MYCBP2: variants seen among roughly 807,000 people sequenced by gnomAD.
MYCBP2 encodes E3 ubiquitin-protein ligase MYCBP2.
MYCBP2 carries 120 observed loss-of-function variants against 525.3 expected under a neutral mutation model. The observed-to-expected ratio is 0.23, with a 90% CI of 0.20 to 0.27. MYCBP2 has a LOEUF of 0.27. Among genes scored for constraint, MYCBP2 ranks in the 10% least tolerant of loss-of-function variants. MYCBP2 has a pLI of 1.00. For synonymous variants in MYCBP2, 1,894 were observed against 1,955.8 expected, an observed-to-expected ratio of 0.97 and a Z score of 0.83; for missense variants, 4,149 against 5,657.1, an observed-to-expected ratio of 0.73 and a Z score of 8.55.
chr13:77,129,164 A>G (rs1161220799), intron 52 of MYCBP2: 6 of 397,826 alleles, frequency 1.5e-5, no homozygotes, highest in African/African-American at 1.0e-4. Context: ...ACCTGGGGGA[A>G]AAAAGCTTTG....
chr13:77,112,787 C>G (rs1247015582), intron 55 of MYCBP2, among the ~76,000 whole-genome samples: 1 of 152,060 alleles, frequency 6.6e-6, no homozygotes, highest in Admixed American at 6.6e-5. Flanking sequence ...TTCTCCTCAC[C>G]CTCCTGCATT....
intron 3 of MYCBP2, among the ~76,000 whole-genome samples, chr13:77,286,615 G>T (rs1203123288): frequency 6.7e-6 from 1 of 148,524 alleles, no homozygotes; most frequent in Non-Finnish European, 1.5e-5. Context: ...AATTAGCCGG[G>T]CGCGGTGGCA....
intron 3 of MYCBP2, among the ~76,000 whole-genome samples, chr13:77,282,994 C>T (rs745996128): frequency 1.2e-4 from 18 of 152,090 alleles, no homozygotes; most frequent in Non-Finnish European, 1.9e-4. Context: ...TAAATGGTTC[C>T]TCTGTCTCCA....
chr13:77,065,457 G>A (rs1350803811), intron 72 of MYCBP2, among the ~76,000 whole-genome samples: 3 of 152,028 alleles, frequency 2.0e-5, no homozygotes, highest in Non-Finnish European at 4.4e-5. Context: ...TTCTCAGGCT[G>A]CCCTCCTAGA....
intron 52 of MYCBP2, among the ~76,000 whole-genome samples, chr13:77,128,443 A>C (rs2052094629): frequency 3.9e-5 from 6 of 151,906 alleles, no homozygotes; most frequent in Admixed American, 3.9e-4. Flanking sequence ...CAATAATTCT[A>C]ACTTTTGATC....
At chr13:77,200,630 G>C (rs912903621) in intron 26 of MYCBP2, among the ~76,000 whole-genome samples, 1 of 152,058 alleles carries the variant, frequency 6.6e-6, no homozygotes, top group Non-Finnish European at 1.5e-5. Context: ...AAATGTTAAG[G>C]GCAGCCAGAG....
At chr13:77,131,512 AAACAAACACACAC>A (rs2052812297) in intron 52 of MYCBP2, among the ~76,000 whole-genome samples, 12 of 59,534 alleles carry the variant, frequency 2.0e-4, no homozygotes, top group Non-Finnish European at 4.5e-4. Flanking sequence ...ACACACACAC[AAACAAACACACAC>A]ACACACACAC....
At position 77,126,301 on chromosome 13, in the gene MYCBP2, G is replaced by A. The variant is rs1206375420; in HGVS notation, c.7884+17C>T. On this transcript the variant is annotated intron_variant, in intron 53 of 82. Coordinates refer to ENST00000544440, the MANE Select transcript of MYCBP2 (RefSeq NM_015057.5). ...AAATGAGTATCTTAGAAGTCATGAA[G>A]CTACAAGAATCCATACCTCTCCCAC... The A allele has an allele frequency of 1.9e-6, 3 of 1,602,050 alleles. No homozygotes were observed. The highest frequency in any genetic ancestry group is 2.2e-5 in the East Asian group (1 of 44,760).
intron 2 of MYCBP2, among the ~76,000 whole-genome samples, chr13:77,289,707 C>T (rs965716079): frequency 6.6e-6 from 1 of 151,896 alleles, no homozygotes; most frequent in Non-Finnish European, 1.5e-5. Flanking sequence ...AGGAAAATAT[C>T]CTATCCAGCC....
chr13:77,167,336 T>C (rs2058661105), intron 40 of MYCBP2, among the ~76,000 whole-genome samples: 1 of 152,116 alleles, frequency 6.6e-6, no homozygotes, highest in Admixed American at 6.5e-5. Context: ...AAAGGGAGCC[T>C]GGAACATCTT....
At chr13:77,240,742 T>C (rs1164429560) in intron 17 of MYCBP2, among the ~76,000 whole-genome samples, 1 of 152,224 alleles carries the variant, frequency 6.6e-6, no homozygotes, top group Non-Finnish European at 1.5e-5. Context: ...CTGTGGTGAC[T>C]GTGAAAGGGG....
intron 17 of MYCBP2, among the ~76,000 whole-genome samples, chr13:77,235,684 C>T (rs1177153579): frequency 2.0e-5 from 3 of 152,100 alleles, no homozygotes; most frequent in South Asian, 4.1e-4. Context: ...ACAATCTCTG[C>T]TTCAAGAAGC....
intron 17 of MYCBP2, among the ~76,000 whole-genome samples, chr13:77,237,340 T>G (rs527765873): frequency 1.3e-5 from 2 of 152,278 alleles, no homozygotes; most frequent in South Asian, 4.1e-4. Context: ...TGTCTACACT[T>G]TCACATATGT....
chr13:77,174,179 G>A (rs1205956600), intron 37 of MYCBP2, 132 bp downstream of exon 37: 6 of 625,178 alleles, frequency 9.6e-6, no homozygotes, highest in African/African-American at 1.8e-5. Context: ...ATATGAATTT[G>A]TACAAGTATG....
At position 77,095,366 on chromosome 13, in the gene MYCBP2, T is replaced by C. The variant is rs146482643; in HGVS notation, c.10191A>G (p.Thr3397=). 142 of 1,613,270 alleles carry C rather than the reference T, an allele frequency of 8.8e-5. No homozygotes were observed. In the African/African-American group the frequency reaches 1.6e-3, roughly 19 times the overall value. ...PVKMPCLYLQ[T]LARHHHENFV... ...CAGCAAAATTTTATTACCTAGCTAA[T>C]GTCTGCAGGTAGAGACAAGGCATTT... The change falls in exon 58 of 83, where the codon ACA becomes ACG. Residue 3397 remains threonine, a synonymous_variant. Transcript: ENST00000544440.
intron 19 of MYCBP2, among the ~76,000 whole-genome samples, chr13:77,224,761 G>A (rs3825499): frequency 6.6e-5 from 10 of 152,044 alleles, no homozygotes; most frequent in South Asian, 2.1e-4. Flanking sequence ...TTAAAAATTC[G>A]TATAAATGCC....
At chr13:77,135,557 C>T (rs1451570536) in intron 52 of MYCBP2, among the ~76,000 whole-genome samples, 2 of 152,188 alleles carry the variant, frequency 1.3e-5, no homozygotes, top group Non-Finnish European at 2.9e-5. Flanking sequence ...TATGCCAGGC[C>T]TCTGACTCTG....
chr13:77,205,571 T>C lies in MYCBP2; in HGVS notation c.3617A>G (p.Gln1206Arg). The change falls in exon 25 of 83, where the codon CAG becomes CGG. Residue 1206 changes from glutamine to arginine, a missense_variant. By Grantham distance (43) the Gln-to-Arg change is conservative. Transcript: ENST00000544440. The part of the protein sequence containing the change: ...LGCLDTLAAM[Q>R]DLKMGVASTE... The stretch of plus-strand genomic sequence containing the variant: ...ACTTGCAACACCCATTTTTAAGTCC[T>C]GCATAGCTGCCAAGGTATCAAGACA... 1 of 1,612,784 alleles carries C rather than the reference T, an allele frequency of 6.2e-7. No individual in the cohort carries two copies. The highest frequency in any genetic ancestry group is 1.1e-5 in the South Asian group (1 of 90,738).
chr13:77,294,104 C>CTATATATATATATATATATATACA (rs2077782650), intron 2 of MYCBP2, among the ~76,000 whole-genome samples: 1 of 41,920 alleles, frequency 2.4e-5, no homozygotes, highest in Non-Finnish European at 5.2e-5. Flanking sequence ...GATATAATGG[C>CTATATATATATATATATATATACA]TATATATATA....
Sources: allele counts gnomAD v4.1 joint callset (sites outside exome capture counted in the v4.1 genomes callset), GRCh38; gene constraint gnomAD v4.1.1; transcripts MANE v1.5; gene names NCBI Gene and HGNC (gene_info 2026-07-23, HGNC 2026-07-21).